Variants in IL10RB observed in about 807,000 individuals in gnomAD.
The protein encoded by IL10RB is interleukin 10 receptor subunit beta, also known as interleukin-10 receptor subunit beta.
IL10RB carries 30 observed loss-of-function variants against 38.7 expected under a neutral mutation model. That is an observed-to-expected ratio of 0.78 (90% confidence interval 0.58 to 1.05). The LOEUF (loss-of-function observed/expected upper bound fraction) is 1.05. Among genes scored for constraint, IL10RB ranks in the 50% least tolerant of loss-of-function variants. IL10RB has a pLI of 0.00. For synonymous variants in IL10RB, 142 were observed against 145.9 expected (o/e 0.97, Z 0.19); for missense variants, 328 against 397.1 (o/e 0.83, Z 1.48).
chr21:33,304,170 C>T (rs964817429), intron 1 of IL10RB, among the ~76,000 whole-genome samples: 8 of 152,182 alleles, frequency 5.3e-5, no homozygotes, highest in African/African-American at 1.2e-4. Context: ...TCTGCCACGG[C>T]GGGGACAGCA....
chr21:33,306,953 C>T (rs530189184), intron 1 of IL10RB, among the ~76,000 whole-genome samples: 15 of 152,016 alleles, frequency 9.9e-5, no homozygotes, highest in Non-Finnish European at 1.9e-4. Context: ...TGGTAACCTT[C>T]CACTTCTTCT....
At chr21:33,306,052 G>A (rs184038142) in intron 1 of IL10RB, among the ~76,000 whole-genome samples, 8 of 152,042 alleles carry the variant, frequency 5.3e-5, no homozygotes, top group East Asian at 1.9e-4. Context: ...GGCTGGTCTC[G>A]GACCTCTGAC....
At chr21:33,281,042 C>G (rs941991091) in intron 4 of IL10RB, among the ~76,000 whole-genome samples, 4 of 152,214 alleles carry the variant, frequency 2.6e-5, no homozygotes, top group Non-Finnish European at 5.9e-5. Flanking sequence ...GATTCAGTGT[C>G]TGGTGAGCAC....
At chr21:33,268,659 CT>C in intron 2 of IL10RB, 142 bp downstream of exon 2, 2 of 721,236 alleles carry the variant, frequency 2.8e-6, no homozygotes, top group South Asian at 1.5e-5. Context: ...CCCTGCCAGC[CT>C]TTTGCTGTCT....
At chr21:33,302,326 C>A (rs2082987873) in intron 1 of IL10RB, among the ~76,000 whole-genome samples, 1 of 152,256 alleles carries the variant, frequency 6.6e-6, no homozygotes, top group Non-Finnish European at 1.5e-5. Context: ...AGACTTCTTT[C>A]ATTTCTAGGG....
intron 6 of IL10RB, among the ~76,000 whole-genome samples, chr21:33,295,979 G>A (rs1368525958): frequency 2.0e-5 from 3 of 152,120 alleles, no homozygotes; most frequent in Non-Finnish European, 4.4e-5. Flanking sequence ...GAGAGGTGGA[G>A]GTTGCAGTGA....
intron 1 of IL10RB, among the ~76,000 whole-genome samples, chr21:33,302,458 T>A (rs1226486207): frequency 6.6e-6 from 1 of 152,226 alleles, no homozygotes; most frequent in African/African-American, 2.4e-5. Context: ...CTCTGCCCAA[T>A]CCTACTTTCC....
downstream of IL10RB, among the ~76,000 whole-genome samples, chr21:33,302,193 A>G (rs557889814): frequency 4.3e-4 from 65 of 152,348 alleles, no homozygotes; most frequent in African/African-American, 1.5e-3. Flanking sequence ...TCCAACAGCA[A>G]CAGGGTGAGG....
At chr21:33,277,271 A>G (rs983793390) in intron 3 of IL10RB, among the ~76,000 whole-genome samples, 4 of 151,150 alleles carry the variant, frequency 2.6e-5, no homozygotes, top group Admixed American at 2.6e-4. Flanking sequence ...TTAGGTGGAG[A>G]TTGCAGTGAG....
rs529976558 is a variant in IL10RB, at chr21:33,273,346, A to G, written c.174-3250A>G. Among the ~76,000 whole-genome samples the G allele has an allele frequency of 3.3e-4, 51 of 152,344 alleles. No individual in the cohort carries two copies. The South Asian group carries it at 0.011, about 32-fold the overall frequency. On this transcript the variant is annotated intron_variant, in intron 2 of 6. Transcript: ENST00000290200. Reference sequence around the variant, plus strand: ...TTTTTTTGTTTCCCGGTGCATCTAAAAATTATGTTTATACTGTAGTCCATT... The same window carrying G: ...TTTTTTTGTTTCCCGGTGCATCTAAGAATTATGTTTATACTGTAGTCCATT...
exon 2 of IL10RB, chr21:33,309,677 T>A (rs1254632261): frequency 2.0e-5 from 3 of 152,244 alleles, no homozygotes; most frequent in Non-Finnish European, 4.4e-5. Flanking sequence ...GCTTTACTCT[T>A]TCCTAAACAT....
rs1989265334 is a variant in IL10RB, at chr21:33,280,718, C to G, written c.498+800C>G. 3.3e-5 allele frequency among the ~76,000 whole-genome samples: 5 copies of G among 152,156 alleles called. No individual in the cohort carries two copies. In the South Asian group the frequency reaches 1.0e-3, roughly 32 times the overall value. The stretch of plus-strand genomic sequence containing the variant: ...ACTGACATATATATGTTATGTATGT[C>G]ATATTACATATATGTTATCCCTTCC... On this transcript the variant is annotated intron_variant, in intron 4 of 6. Coordinates refer to ENST00000290200, the MANE Select transcript of IL10RB (RefSeq NM_000628.5).
rs2239573 is a variant in IL10RB at position 33,266,554 on chromosome 21, G to A, written c.49+40G>A. On this transcript the variant is annotated intron_variant, in intron 1 of 6. Coordinates refer to ENST00000290200, the MANE Select transcript of IL10RB (RefSeq NM_000628.5). ...GGGAGGGGGCGCGCTTGGGAACCGGGAGGCCCCGCGAGATGCCGCCCCTGA... is the reference window on the plus strand; with the variant it reads ...GGGAGGGGGCGCGCTTGGGAACCGGAAGGCCCCGCGAGATGCCGCCCCTGA... The A allele has an allele frequency of 0.69, 1,059,219 of 1,535,164 alleles. 368,399 individuals carry two copies. Among genetic ancestry groups the A allele is most frequent in the East Asian group, 0.75 (30,811 of 40,820 alleles).
intron 5 of IL10RB, among the ~76,000 whole-genome samples, chr21:33,285,074 G>A (rs1283440221): frequency 1.3e-5 from 2 of 152,050 alleles, no homozygotes; most frequent in African/African-American, 2.4e-5. Context: ...ATTTTTAGTA[G>A]AGAGTGGGGT....
chr21:33,288,409 A>G (rs1031041538), intron 6 of IL10RB, 148 bp downstream of exon 6: 25 of 655,748 alleles, frequency 3.8e-5, no homozygotes, highest in African/African-American at 2.4e-4. Flanking sequence ...ACACACAGAC[A>G]CGCCTCTTGT....
At chr21:33,285,960 G>A (rs904944985) in intron 5 of IL10RB, among the ~76,000 whole-genome samples, 3 of 152,146 alleles carry the variant, frequency 2.0e-5, no homozygotes, top group East Asian at 1.9e-4. Flanking sequence ...AGACGGCACC[G>A]CTTCTGGGCT....
chr21:33,271,041 G>A (rs1435449906), intron 2 of IL10RB, among the ~76,000 whole-genome samples: 3 of 152,108 alleles, frequency 2.0e-5, no homozygotes, highest in East Asian at 1.9e-4. Context: ...TTATGTTAGC[G>A]ATCCCAATGA....
intron 1 of IL10RB, among the ~76,000 whole-genome samples, chr21:33,304,913 G>A (rs1024277138): frequency 1.3e-5 from 2 of 152,080 alleles, no homozygotes; most frequent in African/African-American, 2.4e-5. Flanking sequence ...TTCAAACAGC[G>A]TTATTTTCCT....
chr21:33,274,619 A>G (rs1399432283), intron 2 of IL10RB, among the ~76,000 whole-genome samples: 1 of 152,244 alleles, frequency 6.6e-6, no homozygotes, highest in Non-Finnish European at 1.5e-5. Flanking sequence ...GGAACCAGGT[A>G]CATTGTCAAT....
Sources: gnomAD v4.1 joint callset for allele counts (sites outside exome capture counted in the v4.1 genomes callset) on GRCh38, gnomAD v4.1.1 for gene constraint, MANE v1.5 for transcripts, NCBI Gene and HGNC (gene_info 2026-07-23, HGNC 2026-07-21) for gene names.